The following TENM3 variants were observed in gnomAD, a reference collection of about 807,000 sequenced individuals.
TENM3 encodes the protein teneurin transmembrane protein 3.
Under a neutral mutation model 255.1 loss-of-function variants are expected in TENM3, and 63 were observed. The ratio of observed to expected loss-of-function variants is 0.25; its 90% CI spans 0.20 to 0.30. The LOEUF is 0.30. TENM3 is among the 10% of genes least tolerant of loss of function. The pLI is 1.00. For missense variants in TENM3, 2,929 were observed against 3,461.1 expected, an observed-to-expected ratio of 0.85 and a Z score of 3.86; for synonymous variants, 1,306 against 1,322.3, an observed-to-expected ratio of 0.99 and a Z score of 0.27.
At chr4:182,229,114 G>A (rs978939201) in intron 1 of TENM3, among the ~76,000 whole-genome samples, 1 of 152,160 alleles carries the variant, frequency 6.6e-6, no homozygotes. Context: ...ATATGCCGTT[G>A]AGAACAGCTC....
intron 1 of TENM3, among the ~76,000 whole-genome samples, chr4:182,235,442 T>C (rs1417117016): frequency 6.6e-6 from 1 of 152,178 alleles, no homozygotes; most frequent in Non-Finnish European, 1.5e-5. Context: ...TAAAGACAGA[T>C]GTTGTCTTGT....
chr4:181,775,032 T>C, the TENM3 span, among the ~76,000 whole-genome samples: 2 of 152,210 alleles, frequency 1.3e-5, no homozygotes, highest in Non-Finnish European at 2.9e-5. Flanking sequence ...AGGCATCTAC[T>C]GTGTGCTAAA....
At chr4:182,378,402 G>A (rs1033063185) in intron 3 of TENM3, among the ~76,000 whole-genome samples, 16 of 152,206 alleles carry the variant, frequency 1.1e-4, no homozygotes, top group African/African-American at 2.4e-5. Context: ...GAATGGAGCT[G>A]GCTTCTGTGA....
At chr4:182,237,375 C>CTTTCTTTT (rs1756961874) in intron 1 of TENM3, among the ~76,000 whole-genome samples, 2 of 148,132 alleles carry the variant, frequency 1.4e-5, no homozygotes, top group African/African-American at 5.0e-5. Context: ...ATTCTGTTTT[C>CTTTCTTTT]TTTTTTTTGA....
the TENM3 span, among the ~76,000 whole-genome samples, chr4:181,736,104 C>A: frequency 6.6e-5 from 10 of 152,004 alleles, no homozygotes; most frequent in Non-Finnish European, 1.3e-4. Flanking sequence ...TCAAGACCAG[C>A]CTGGCCAACA....
At chr4:182,059,053 G>A in the TENM3 span, among the ~76,000 whole-genome samples, 1 of 151,778 alleles carries the variant, frequency 6.6e-6, no homozygotes, top group South Asian at 2.1e-4. Flanking sequence ...CCCAGTGTTG[G>A]GGCAGAATTA....
At chr4:181,967,006 GCTCTCTCTCTCTCT>G in the TENM3 span, among the ~76,000 whole-genome samples, 20 of 145,158 alleles carry the variant, frequency 1.4e-4, no homozygotes, top group Admixed American at 2.8e-4. Flanking sequence ...TCTCTCTCTC[GCTCTCTCTCTCTCT>G]CTCTAGCATG....
At chr4:182,310,632 T>C (rs2675516) in intron 1 of TENM3, among the ~76,000 whole-genome samples, 36,743 of 151,808 alleles carry the variant, frequency 0.24, 4,617 homozygotes, top group African/African-American at 0.27. Context: ...CTGGGGTCTG[T>C]TCCACCCCAA....
the TENM3 span, among the ~76,000 whole-genome samples, chr4:181,853,169 T>A: frequency 6.6e-6 from 1 of 152,208 alleles, no homozygotes; most frequent in South Asian, 2.1e-4. Flanking sequence ...TCAAGCAATT[T>A]TATTGATTAT....
chr4:181,951,442 T>G, the TENM3 span, among the ~76,000 whole-genome samples: 1 of 152,212 alleles, frequency 6.6e-6, no homozygotes, highest in Non-Finnish European at 1.5e-5. Flanking sequence ...TTTTTACATG[T>G]GACATGTTGA....
At chr4:182,039,345 G>A in the TENM3 span, among the ~76,000 whole-genome samples, 7 of 152,200 alleles carry the variant, frequency 4.6e-5, no homozygotes, top group South Asian at 2.1e-4. Flanking sequence ...TCAGGATGTC[G>A]CATCTGTTCT....
the TENM3 span, among the ~76,000 whole-genome samples, chr4:181,702,158 T>C: frequency 1.6e-4 from 24 of 152,234 alleles, no homozygotes; most frequent in African/African-American, 5.5e-4. Flanking sequence ...GTTTCAGATA[T>C]GCAGATAGAG....
At chr4:181,732,312 A>G in the TENM3 span, among the ~76,000 whole-genome samples, 1 of 152,174 alleles carries the variant, frequency 6.6e-6, no homozygotes, top group Non-Finnish European at 1.5e-5. Context: ...ACAGCCCACC[A>G]AAACAGTTTC....
At chr4:181,882,944 C>A in the TENM3 span, among the ~76,000 whole-genome samples, 1 of 152,210 alleles carries the variant, frequency 6.6e-6, no homozygotes, top group South Asian at 2.1e-4. Flanking sequence ...AAAACAACCA[C>A]CATTGTCAAA....
intron 24 of TENM3, among the ~76,000 whole-genome samples, chr4:182,788,689 G>A (rs3805200): frequency 0.3 from 45,465 of 152,028 alleles, 7,527 homozygotes; most frequent in Non-Finnish European, 0.38. Flanking sequence ...CACATTAACC[G>A]CTGTGTTTTA....
At chr4:182,580,793 G>A (rs1207372260) in intron 3 of TENM3, among the ~76,000 whole-genome samples, 2 of 152,094 alleles carry the variant, frequency 1.3e-5, no homozygotes, top group East Asian at 3.9e-4. Context: ...GGTACATTTT[G>A]AATTTAAAGA....
At chr4:182,505,195 G>C (rs1580768909) in intron 3 of TENM3, among the ~76,000 whole-genome samples, 1 of 152,040 alleles carries the variant, frequency 6.6e-6, no homozygotes, top group East Asian at 1.9e-4. Context: ...CAGACTCTTA[G>C]TTCTATGTTA....
chr4:182,775,988 T>G (rs1001919586), intron 24 of TENM3, among the ~76,000 whole-genome samples: 9 of 152,160 alleles, frequency 5.9e-5, no homozygotes, highest in South Asian at 2.1e-4. Context: ...ATTATATATA[T>G]ATAGATAGAT....
the TENM3 span, among the ~76,000 whole-genome samples, chr4:182,088,759 G>A: frequency 1.4e-5 from 2 of 147,176 alleles, no homozygotes; most frequent in African/African-American, 2.5e-5. Flanking sequence ...GCTTGAACCC[G>A]GGAGGCAGAG....
Sources: allele counts gnomAD v4.1 joint callset (sites outside exome capture counted in the v4.1 genomes callset), GRCh38; gene constraint gnomAD v4.1.1; transcripts MANE v1.5; gene names NCBI Gene and HGNC (gene_info 2026-07-23, HGNC 2026-07-21).